Variants in HPSE2 observed in about 807,000 individuals in gnomAD.
HPSE2 encodes the protein inactive heparanase-2.
Under a neutral mutation model 60.5 loss-of-function variants are expected in HPSE2, and 38 were observed. That is an observed-to-expected ratio of 0.63 (90% confidence interval 0.48 to 0.82). The LOEUF is 0.82. Ranked by LOEUF, HPSE2 falls within the 40% of genes least tolerant of loss-of-function variation. The pLI, the probability that HPSE2 is intolerant of heterozygous loss-of-function variation, is 0.00. For missense variants in HPSE2, 713 were observed against 740.4 expected, an observed-to-expected ratio of 0.96 and a Z score of 0.43; for synonymous variants, 295 against 293.2, an observed-to-expected ratio of 1.01 and a Z score of -0.06.
chr10:98,583,033 G>A (rs1027567616), intron 9 of HPSE2, among the ~76,000 whole-genome samples: 2 of 152,068 alleles, frequency 1.3e-5, no homozygotes, highest in Non-Finnish European at 2.9e-5. Flanking sequence ...GAAGACTAGG[G>A]GGGCATAGGG....
intron 9 of HPSE2, among the ~76,000 whole-genome samples, chr10:98,493,102 G>C (rs2133687674): frequency 6.6e-6 from 1 of 152,194 alleles, no homozygotes; most frequent in East Asian, 1.9e-4. Flanking sequence ...ATTTCACTTA[G>C]CATAGTGTCC....
chr10:99,180,785 G>T (rs1420684054), intron 2 of HPSE2, among the ~76,000 whole-genome samples: 1 of 151,038 alleles, frequency 6.6e-6, no homozygotes. Flanking sequence ...AGCTACTCAG[G>T]AGGCTGAGGC....
chr10:98,588,503 G>A (rs575117233), intron 9 of HPSE2, among the ~76,000 whole-genome samples: 14 of 152,088 alleles, frequency 9.2e-5, no homozygotes, highest in South Asian at 6.2e-4. Context: ...AGTCTGCCAC[G>A]GCCTTTGCTT....
chr10:98,946,739 G>A (rs546012602), intron 3 of HPSE2, among the ~76,000 whole-genome samples: 4 of 152,030 alleles, frequency 2.6e-5, no homozygotes, highest in Non-Finnish European at 5.9e-5. Context: ...GTAAACAAAT[G>A]TAAAGAGGCA....
intron 3 of HPSE2, among the ~76,000 whole-genome samples, chr10:98,808,035 G>C (rs1951082152): frequency 6.6e-6 from 1 of 152,038 alleles, no homozygotes; most frequent in Non-Finnish European, 1.5e-5. Context: ...CATACTAAAT[G>C]GGGACATATT....
intron 11 of HPSE2, chr10:98,461,648 C>T: frequency 1.4e-6 from 1 of 720,006 alleles, no homozygotes; most frequent in East Asian, 2.7e-5. Flanking sequence ...AACACGAGTT[C>T]AATAATACCG....
chr10:99,000,607 TAGG>T (rs769043778), intron 3 of HPSE2, among the ~76,000 whole-genome samples: 19 of 152,244 alleles, frequency 1.2e-4, no homozygotes, highest in Non-Finnish European at 2.6e-4. Flanking sequence ...ATTTGACAAT[TAGG>T]AGGTCATGGT....
rs185023834 is a variant in HPSE2, at chr10:98,998,886, C to A, written c.610+145352G>T. ...CAAAGCATACTAATGAGACTCCAAC[C>A]TTATCAAAGGACATGTTATTATTCC... On this transcript the variant is annotated intron_variant, in intron 3 of 11. Transcript: ENST00000370552. Among the ~76,000 whole-genome samples the A allele has an allele frequency of 2.4e-3, 370 of 152,308 alleles. 1 individual carries two copies. Among genetic ancestry groups the A allele is most frequent in the Non-Finnish European group, 3.9e-3 (265 of 68,030 alleles).
chr10:98,703,912 GGACA>G (rs1411229044), intron 5 of HPSE2, among the ~76,000 whole-genome samples: 2 of 152,064 alleles, frequency 1.3e-5, no homozygotes, highest in African/African-American at 2.4e-5. Context: ...TGGAAATTCT[GGACA>G]GACAATCAGA....
upstream of HPSE2, among the ~76,000 whole-genome samples, chr10:99,239,452 CAG>C (rs1460252756): frequency 5.2e-5 from 5 of 96,696 alleles, no homozygotes; most frequent in Non-Finnish European, 7.4e-5. Context: ...TTTTTTGAGA[CAG>C]AGTCTCGCTC....
intron 2 of HPSE2, among the ~76,000 whole-genome samples, chr10:99,185,181 G>C (rs376047176): frequency 1.2e-4 from 18 of 151,788 alleles, no homozygotes; most frequent in East Asian, 1.2e-3. Context: ...ACGTACACTT[G>C]TAATCCCAGC....
chr10:98,987,992 A>G lies in HPSE2; in HGVS notation c.610+156246T>C, dbSNP rs1209210593. The stretch of plus-strand genomic sequence containing the variant: ...ACAAACCACTTTTCAGTGAAATAAA[A>G]TAGGATACAAACAAATGGAAGAACA... On this transcript the variant is annotated intron_variant, in intron 3 of 11. Coordinates refer to ENST00000370552, the MANE Select transcript of HPSE2 (RefSeq NM_021828.5). 2.0e-5 allele frequency among the ~76,000 whole-genome samples: 3 copies of G among 152,340 alleles called. No individual in the cohort carries two copies. In the East Asian group the frequency reaches 5.8e-4, roughly 29 times the overall value.
intron 9 of HPSE2, among the ~76,000 whole-genome samples, chr10:98,570,145 G>A (rs1384191391): frequency 2.0e-5 from 3 of 152,156 alleles, no homozygotes; most frequent in Non-Finnish European, 4.4e-5. Flanking sequence ...GCCCCAAGCT[G>A]CTCCTTCCTT....
the HPSE2 span, among the ~76,000 whole-genome samples, chr10:99,311,378 A>G: frequency 6.6e-6 from 1 of 152,258 alleles, no homozygotes; most frequent in Non-Finnish European, 1.5e-5. Context: ...CCATTTTTCC[A>G]ACAACATGTG....
chr10:98,645,379 T>A (rs924927446), intron 6 of HPSE2, among the ~76,000 whole-genome samples: 2 of 152,202 alleles, frequency 1.3e-5, no homozygotes, highest in African/African-American at 2.4e-5. Context: ...TTCAAGAGAA[T>A]AAGGGAAATT....
intron 3 of HPSE2, among the ~76,000 whole-genome samples, chr10:99,019,887 T>G (rs1340791583): frequency 6.6e-6 from 1 of 151,968 alleles, no homozygotes; most frequent in Non-Finnish European, 1.5e-5. Flanking sequence ...AATTTTTGTA[T>G]TTTTAGTAGA....
the HPSE2 span, among the ~76,000 whole-genome samples, chr10:99,246,186 T>A: frequency 6.6e-6 from 1 of 152,232 alleles, no homozygotes; most frequent in Admixed American, 6.5e-5. Flanking sequence ...CATGGACCAA[T>A]GTTCGTAAAC....
intron 5 of HPSE2, among the ~76,000 whole-genome samples, chr10:98,716,719 G>A (rs1008702531): frequency 6.6e-6 from 1 of 152,066 alleles, no homozygotes; most frequent in Non-Finnish European, 1.5e-5. Context: ...GAGTTAGCAG[G>A]CTTAAAAAAT....
chr10:99,154,151 G>C lies in HPSE2; in HGVS notation c.449-9752C>G, dbSNP rs866645590. 1.1e-3 allele frequency among the ~76,000 whole-genome samples: 160 copies of C among 143,366 alleles called. 2 individuals carry two copies. Among genetic ancestry groups the C allele is most frequent in the African/African-American group, 3.7e-3 (147 of 40,022 alleles). 94.1% of individuals were successfully genotyped at this position (143,366 alleles called of 152,430 possible). A position where few individuals can be genotyped will look rare whatever the true frequency, so the allele number is the denominator to read the frequency against. On this transcript the variant is annotated intron_variant, in intron 2 of 11. Coordinates refer to ENST00000370552, the MANE Select transcript of HPSE2 (RefSeq NM_021828.5). ...TTGGTGTACCTGAAAGTGATGGGGA[G>C]AATGGAACCAAGTTGGAAAACACTC... is the stretch of plus-strand genomic sequence containing the variant.
Sources: allele counts gnomAD v4.1 joint callset (sites outside exome capture counted in the v4.1 genomes callset), GRCh38; gene constraint gnomAD v4.1.1; transcripts MANE v1.5; gene names NCBI Gene and HGNC (gene_info 2026-07-23, HGNC 2026-07-21).